Variants in LYSMD4 observed in about 807,000 individuals in gnomAD.
LYSMD4 encodes lysM and putative peptidoglycan-binding domain-containing protein 4.
A neutral mutation model predicts 6.1 loss-of-function variants in LYSMD4; 9 were observed. That is an observed-to-expected ratio of 1.47 (90% CI 0.88 to 2.56). LYSMD4 has a LOEUF of 2.56. Among genes scored for constraint, LYSMD4 ranks in the 30% most tolerant of loss-of-function variants. LYSMD4 has a pLI of 0.00. For synonymous variants in LYSMD4, 143 were observed against 148.5 expected, an observed-to-expected ratio of 0.96 and a Z score of 0.27; for missense variants, 384 against 373.5, an observed-to-expected ratio of 1.03 and a Z score of -0.23.
upstream of LYSMD4, chr15:99,720,761 G>A (rs2059231796): frequency 6.6e-6 from 1 of 152,080 alleles, no homozygotes; most frequent in African/African-American, 2.4e-5. Context: ...AAAATAGATG[G>A]AATCTGATGA....
rs750508131 is a variant in LYSMD4 at position 99,729,197 on chromosome 15, TG to T, written c.816del (p.Arg273AspfsTer2). The T allele has an allele frequency of 6.2e-7, 1 of 1,614,118 alleles. No individual in the cohort carries two copies. The highest frequency in any genetic ancestry group is 1.3e-5 in the African/African-American group (1 of 74,942). On this transcript the variant is annotated frameshift_variant, in exon 3 of 3. Coordinates refer to ENST00000684762, the MANE Select transcript of LYSMD4 (RefSeq NM_001284417.2). LOFTEE classifies it low-confidence loss of function (END_TRUNC). ...ACGGCTGGCACTGCAACTGCTAGTC[TG>T]GGGGCTTGCCCTGGAACTGTACCCA... ...MAMGTVPGQA[P>X]RLAVAVPAVT...
chr15:99,730,775 G>A (rs1272078648), intron 2 of LYSMD4, among the ~76,000 whole-genome samples: 2 of 152,058 alleles, frequency 1.3e-5, no homozygotes, highest in Non-Finnish European at 1.5e-5. Flanking sequence ...TATTCTTTAC[G>A]GATTTAGACA....
rs570597860 is a variant in LYSMD4, at chr15:99,727,568, A to G, written c.*1555T>C. On this transcript the variant is annotated 3_prime_UTR_variant, in exon 3 of 3. Transcript: ENST00000684762. The stretch of plus-strand genomic sequence containing the variant: ...TGGCCCTCAGTGACACAGAGAGCAC[A>G]GACATTTGGCTGGGAAAGCACTTGC... The G allele has an allele frequency of 1.3e-5, 2 of 152,358 alleles. No homozygotes were observed. Among genetic ancestry groups the G allele is most frequent in the South Asian group, 2.1e-4 (1 of 4,828 alleles). The allele number at this position is 152,358 out of a possible 1,614,324, so 9.4% of individuals were successfully genotyped here.
At chr15:99,724,257 A>T (rs904121638), downstream of LYSMD4, among the ~76,000 whole-genome samples, 4 of 144,016 alleles carry the variant, frequency 2.8e-5, no homozygotes, top group Non-Finnish European at 4.4e-5. Flanking sequence ...GGTCTTTTTT[A>T]AAAATTATCA....
At chr15:99,726,391 G>A (rs1468092621), downstream of LYSMD4, among the ~76,000 whole-genome samples, 5 of 151,976 alleles carry the variant, frequency 3.3e-5, no homozygotes, top group African/African-American at 7.3e-5. Flanking sequence ...TGATCCATCC[G>A]CCTCGGCCTT....
chr15:99,725,951 C>T (rs1015034557), downstream of LYSMD4, among the ~76,000 whole-genome samples: 11 of 152,034 alleles, frequency 7.2e-5, no homozygotes, highest in South Asian at 4.1e-4. Flanking sequence ...GAAGTGCCTG[C>T]GTCGTAGGGA....
At chr15:99,731,319 G>C in intron 2 of LYSMD4, 1 of 1,601,754 alleles carries the variant, frequency 6.2e-7, no homozygotes, top group Non-Finnish European at 8.5e-7. Flanking sequence ...CACCAAGAAA[G>C]GTTCAGAAAA....
In LYSMD4 at chr15:99,729,517, A is replaced by T; in HGVS notation, c.497T>A (p.Leu166Gln). Residue 166 changes from leucine to glutamine, a missense_variant, in exon 3 of 3, where the codon CTG (leucine) becomes CAG (glutamine). Coordinates refer to ENST00000684762, the MANE Select transcript of LYSMD4 (RefSeq NM_001284417.2). ...GAGTGAQAGQ[L>Q]MGFFKGIDQD... is the part of the protein sequence containing the mutation. ...GTCAATCCCCTTAAAGAAGCCCATC[A>T]GTTGGCCGGCCTGGGCACCGGTGCC... is the stretch of plus-strand genomic sequence containing the variant. 1 of 1,613,710 alleles carries T rather than the reference A, an allele frequency of 6.2e-7. No homozygotes were observed.
chr15:99,716,277 G>A (rs2059143590), exon 1 of LYSMD4: 2 of 339,440 alleles, frequency 5.9e-6, no homozygotes, highest in African/African-American at 2.2e-5. Context: ...ACCGTTTGGC[G>A]GCACAAGCTG....
At chr15:99,732,075 A>G in intron 1 of LYSMD4, 68 bp from the exon 2 acceptor site, 2 of 1,452,904 alleles carry the variant, frequency 1.4e-6, no homozygotes, top group South Asian at 1.4e-5. Flanking sequence ...TCGTTTAAAG[A>G]GAAGTGTCTT....
upstream of LYSMD4, among the ~76,000 whole-genome samples, chr15:99,721,275 T>A (rs920705754): frequency 1.7e-4 from 26 of 152,130 alleles, no homozygotes; most frequent in African/African-American, 4.8e-4. Context: ...GCAGGAACTG[T>A]GTTCTGACAA....
intron 1 of LYSMD4, 185 bp downstream of exon 1, chr15:99,733,160 C>T (rs2059464131): frequency 2.7e-6 from 1 of 373,204 alleles, no homozygotes; most frequent in Non-Finnish European, 4.8e-6. Context: ...TGACCCCCAA[C>T]CCTAGCCACC....
rs775790912 is a variant in LYSMD4, at chr15:99,729,507, G to A, written c.507C>T (p.Phe169=). Residue 169 remains phenylalanine, a synonymous_variant, in exon 3 of 3, where the codon TTC becomes TTT. Transcript: ENST00000684762. ...TGAQAGQLMG[F]FKGIDQDIER... Reference sequence around the variant, plus strand: ...CAATATCCTGGTCAATCCCCTTAAAGAAGCCCATCAGTTGGCCGGCCTGGG... The same window carrying A: ...CAATATCCTGGTCAATCCCCTTAAAAAAGCCCATCAGTTGGCCGGCCTGGG... The A allele has an allele frequency of 6.2e-7, 1 of 1,614,114 alleles. No individual in the cohort carries two copies.
chr15:99,729,603 C>G lies in LYSMD4; in HGVS notation c.411G>C (p.Leu137=), dbSNP rs145097118. ...METHKELKPL[L]SPSSETTVTV... ...TCACTGTGGTCTCGGAAGACGGGCT[C>G]AGAAGGGGTTTCAGTTCTTTGTGGG... Residue 137 remains leucine (L), a synonymous_variant, in exon 3 of 3, where the codon CTG becomes CTC. Coordinates refer to ENST00000684762, the MANE Select transcript of LYSMD4 (RefSeq NM_001284417.2). The G allele has an allele frequency of 1.2e-6, 2 of 1,614,132 alleles. No individual in the cohort carries two copies. Among genetic ancestry groups the G allele is most frequent in the South Asian group, 1.1e-5 (1 of 91,078 alleles).
rs2059314855 is a variant in LYSMD4 at position 99,728,195 on chromosome 15, G to A, written c.*928C>T. On this transcript the variant is annotated 3_prime_UTR_variant, in exon 3 of 3. Coordinates refer to ENST00000684762, the MANE Select transcript of LYSMD4 (RefSeq NM_001284417.2). ...TCACTCTGGAGCTCCGAAGAACTGA[G>A]CCAGGGAAGCAGCAGGGGGAGCGCC... 1 of 152,510 alleles carries A rather than the reference G, an allele frequency of 6.6e-6. No individual in the cohort carries two copies. Among genetic ancestry groups the A allele is most frequent in the African/African-American group, 2.4e-5 (1 of 41,464 alleles). 9.4% of individuals were successfully genotyped at this position (152,510 alleles called of 1,614,324 possible). A position where few individuals can be genotyped will look rare whatever the true frequency, so the allele number is the denominator to read the frequency against.
downstream of LYSMD4, among the ~76,000 whole-genome samples, chr15:99,722,416 A>C (rs2059244084): frequency 6.6e-6 from 1 of 152,216 alleles, no homozygotes; most frequent in African/African-American, 2.4e-5. Context: ...CCAAGTAACC[A>C]TGCCCCAGGA....
chr15:99,720,591 G>A (rs1432959276), upstream of LYSMD4, among the ~76,000 whole-genome samples: 1 of 152,188 alleles, frequency 6.6e-6, no homozygotes, highest in African/African-American at 2.4e-5. Flanking sequence ...AATTGTAAAT[G>A]GCTCTCAACA....
chr15:99,718,578 T>C (rs948020279), upstream of LYSMD4, among the ~76,000 whole-genome samples: 1 of 152,230 alleles, frequency 6.6e-6, no homozygotes, highest in African/African-American at 2.4e-5. Flanking sequence ...CATTGTGGAC[T>C]CGGATTTTAT....
chr15:99,723,837 C>T (rs2059256665), downstream of LYSMD4, among the ~76,000 whole-genome samples: 1 of 144,194 alleles, frequency 6.9e-6, no homozygotes, highest in Non-Finnish European at 1.5e-5. Context: ...GCATTCTTCA[C>T]TTCAGTGCTC....
Sources: allele counts gnomAD v4.1 joint callset (sites outside exome capture counted in the v4.1 genomes callset), GRCh38; gene constraint gnomAD v4.1.1; transcripts MANE v1.5; gene names NCBI Gene and HGNC (gene_info 2026-07-23, HGNC 2026-07-21).